The following RAVER2 variants were observed in gnomAD, a reference collection of about 807,000 sequenced individuals.
RAVER2 encodes the protein ribonucleoprotein PTB-binding 2.
A neutral mutation model predicts 78.1 loss-of-function variants in RAVER2; 46 were observed. That is an observed-to-expected ratio of 0.59 (90% confidence interval 0.46 to 0.75). The LOEUF (loss-of-function observed/expected upper bound fraction) is 0.75. Ranked by LOEUF, RAVER2 falls within the 30% of genes least tolerant of loss-of-function variation. The probability of loss-of-function intolerance (pLI) is 0.00; values close to 1 mark genes in which losing one functional copy is unlikely to be tolerated. For missense variants in RAVER2, 793 were observed against 837.5 expected, an observed-to-expected ratio of 0.95 and a Z score of 0.66; for synonymous variants, 311 against 313.3, an observed-to-expected ratio of 0.99 and a Z score of 0.08.
intron 3 of RAVER2, among the ~76,000 whole-genome samples, chr1:64,778,312 A>T (rs1652530821): frequency 6.6e-6 from 1 of 152,176 alleles, no homozygotes; most frequent in Non-Finnish European, 1.5e-5. Flanking sequence ...TGCCTTAGCA[A>T]ATCCATTGCT....
intron 1 of RAVER2, among the ~76,000 whole-genome samples, chr1:64,747,043 A>G (rs1429488550): frequency 6.6e-6 from 1 of 152,196 alleles, no homozygotes; most frequent in Non-Finnish European, 1.5e-5. Context: ...CGTTCTGTCT[A>G]TTCTTGCTTT....
chr1:64,820,739 G>A (rs189398973), intron 11 of RAVER2, among the ~76,000 whole-genome samples: 49 of 152,308 alleles, frequency 3.2e-4, no homozygotes, highest in African/African-American at 1.1e-3. Context: ...CAAAAGACAT[G>A]AGCTCGTTCT....
intron 2 of RAVER2, among the ~76,000 whole-genome samples, chr1:64,776,980 G>T (rs1055008565): frequency 6.6e-6 from 1 of 152,112 alleles, no homozygotes; most frequent in East Asian, 1.9e-4. Context: ...CTTGTCTTAA[G>T]ATCAGAATCC....
intron 11 of RAVER2, 28 bp downstream of exon 11, chr1:64,814,868 C>T (rs1280960504): frequency 6.8e-7 from 1 of 1,478,212 alleles, no homozygotes; most frequent in East Asian, 2.6e-5. Context: ...TCTGATGATA[C>T]TCAGAAAAAT....
At chr1:64,766,478 G>C (rs1459772573) in intron 1 of RAVER2, among the ~76,000 whole-genome samples, 1 of 152,140 alleles carries the variant, frequency 6.6e-6, no homozygotes, top group Admixed American at 6.5e-5. Flanking sequence ...GTTTTTCTTT[G>C]TAGGAAGCTT....
chr1:64,755,264 G>A (rs953477998), intron 1 of RAVER2, among the ~76,000 whole-genome samples: 2 of 152,096 alleles, frequency 1.3e-5, no homozygotes, highest in African/African-American at 2.4e-5. Context: ...TTTTAGGGGT[G>A]CAACTCATTG....
At position 64,777,689 on chromosome 1, in the gene RAVER2, T is replaced by G. The variant is rs1408437140; in HGVS notation, c.383T>G (p.Phe128Cys). 1.2e-6 allele frequency: 2 copies of G among 1,614,002 alleles called. No individual in the cohort carries two copies. Among genetic ancestry groups the G allele is most frequent in the Admixed American group, 1.7e-5 (1 of 59,990 alleles). Residue 128 changes from phenylalanine to cysteine, a missense_variant, in exon 3 of 12, where the codon TTT becomes TGT. Transcript: ENST00000294428. The stretch of plus-strand genomic sequence containing the variant: ...ATTCAGATGTTTCATCAATATTCTT[T>G]TAGAGGAAAAGACTTAATAGTCCAG...
chr1:64,823,670 T>A (rs1570585665), intron 11 of RAVER2, among the ~76,000 whole-genome samples: 2 of 152,154 alleles, frequency 1.3e-5, no homozygotes, highest in African/African-American at 4.8e-5. Context: ...GACAAAACAT[T>A]TCACCCTTCC....
At chr1:64,755,402 AC>A (rs774818320) in intron 1 of RAVER2, among the ~76,000 whole-genome samples, 7 of 152,110 alleles carry the variant, frequency 4.6e-5, no homozygotes, top group Admixed American at 2.0e-4. Flanking sequence ...TGTGTTTGAG[AC>A]TTACTGTTTA....
At chr1:64,811,531 G>A (rs1653606419) in intron 9 of RAVER2, among the ~76,000 whole-genome samples, 1 of 152,168 alleles carries the variant, frequency 6.6e-6, no homozygotes, top group Non-Finnish European at 1.5e-5. Context: ...GAGGTTTGTA[G>A]CTGCTGTTGT....
At chr1:64,761,335 C>A (rs1016638575) in intron 1 of RAVER2, among the ~76,000 whole-genome samples, 1 of 152,128 alleles carries the variant, frequency 6.6e-6, no homozygotes, top group Non-Finnish European at 1.5e-5. Context: ...GGGCCCCCCC[C>A]AAAATTCATT....
At chr1:64,780,734 A>G (rs1163839619) in intron 3 of RAVER2, among the ~76,000 whole-genome samples, 1 of 152,184 alleles carries the variant, frequency 6.6e-6, no homozygotes, top group Non-Finnish European at 1.5e-5. Context: ...GGACTTTAGT[A>G]TCTTCCATTA....
At chr1:64,804,615 A>G in intron 6 of RAVER2, 119 bp from the exon 7 acceptor site, 2 of 530,590 alleles carry the variant, frequency 3.8e-6, no homozygotes, top group African/African-American at 2.0e-5. Context: ...AGAGTGAAAT[A>G]TGTTTAGAAG....
chr1:64,795,469 G>A (rs964367426), intron 5 of RAVER2, among the ~76,000 whole-genome samples: 35 of 151,966 alleles, frequency 2.3e-4, no homozygotes, highest in Non-Finnish European at 1.2e-4. Context: ...TTATTTTGAG[G>A]TCATATTTAA....
At chr1:64,812,293 C>T (rs1226447108) in intron 9 of RAVER2, among the ~76,000 whole-genome samples, 8 of 134,812 alleles carry the variant, frequency 5.9e-5, no homozygotes, top group South Asian at 2.4e-4. Context: ...ACCTGGGAGG[C>T]GGAGGTTTCA....
chr1:64,745,322 C>T lies in RAVER2; in HGVS notation c.150C>T (p.His50=). 6.5e-7 allele frequency: 1 copy of T among 1,536,610 alleles called. No individual in the cohort carries two copies. The highest frequency in any genetic ancestry group is 8.8e-7 in the Non-Finnish European group (1 of 1,140,362). ...CGGACCCGATGCCCGCCGCGCTGCA[C>T]CCTGAGGAGGTCGCCGCGCGACTGC... is the stretch of plus-strand genomic sequence containing the variant. Residue 50 remains histidine, a synonymous_variant, in exon 1 of 12, where the codon CAC becomes CAT. Transcript: ENST00000294428. This position sits in a 1 kb window ranked among gnomAD's most constrained non-coding sequence, Gnocchi z 4.3.
intron 3 of RAVER2, among the ~76,000 whole-genome samples, chr1:64,780,646 C>T (rs1240665033): frequency 6.6e-6 from 1 of 152,132 alleles, no homozygotes; most frequent in Non-Finnish European, 1.5e-5. Flanking sequence ...ATAATTCAGA[C>T]GTGTTCAAAA....
intron 2 of RAVER2, among the ~76,000 whole-genome samples, 175 bp from the exon 3 acceptor site, chr1:64,777,448 T>G (rs1652496379): frequency 6.6e-6 from 1 of 152,098 alleles, no homozygotes; most frequent in Non-Finnish European, 1.5e-5. Context: ...AAAAACGCAC[T>G]GAAATAGAAT....
chr1:64,774,300 T>C (rs1035604268), intron 2 of RAVER2, among the ~76,000 whole-genome samples: 1 of 152,228 alleles, frequency 6.6e-6, no homozygotes, highest in African/African-American at 2.4e-5. Context: ...CTAGGGTTTT[T>C]ATGGTTTTAG....
Sources: allele counts gnomAD v4.1 joint callset (sites outside exome capture counted in the v4.1 genomes callset), GRCh38; gene constraint gnomAD v4.1.1; non-coding constraint Gnocchi (gnomAD v3.1); transcripts MANE v1.5; gene names NCBI Gene and HGNC (gene_info 2026-07-23, HGNC 2026-07-21).